Variants in PRSS23 observed in about 807,000 individuals in gnomAD.
PRSS23 encodes serine protease 23, also known as protease, serine 23.
A neutral mutation model predicts 34.7 loss-of-function variants in PRSS23; 25 were observed. The observed-to-expected ratio is 0.72, with a 90% CI of 0.53 to 1.01. The LOEUF is 1.01. Among genes scored for constraint, PRSS23 ranks in the 50% least tolerant of loss-of-function variants. The pLI is 0.00. For missense variants in PRSS23, 445 were observed against 475.6 expected, an observed-to-expected ratio of 0.94 and a Z score of 0.60; for synonymous variants, 176 against 186.6, an observed-to-expected ratio of 0.94 and a Z score of 0.46.
chr11:86,846,045 A>G (rs1026598161), intron 2 of PRSS23, among the ~76,000 whole-genome samples: 2 of 152,164 alleles, frequency 1.3e-5, no homozygotes, highest in Admixed American at 6.5e-5. Context: ...TTCCTGCCTT[A>G]AAGAGTTGAA....
chr11:86,886,941 T>TA (rs748439465), intron 2 of PRSS23, among the ~76,000 whole-genome samples: 1 of 151,994 alleles, frequency 6.6e-6, no homozygotes, highest in Non-Finnish European at 1.5e-5. Context: ...AGACTCCATC[T>TA]AAAAAAATAA....
chr11:86,908,721 T>G (rs1006498286), intron 2 of PRSS23, among the ~76,000 whole-genome samples: 1 of 152,156 alleles, frequency 6.6e-6, no homozygotes, highest in African/African-American at 2.4e-5. Flanking sequence ...CTGAAAAATA[T>G]CAGACGTGAA....
Position 86,808,137 on chromosome 11 carries a change from T to G in PRSS23, c.494T>G (p.Val165Gly). Reference protein sequence around the residue: ...KLSTGCTGTLVAEKHVLTAAH... With the variant: ...KLSTGCTGTLGAEKHVLTAAH... ...TCCACGGGCTGCACCGGCACCCTGGTGGCAGAGAAGCATGTCCTCACAGCT... is the reference window on the plus strand; with the variant it reads ...TCCACGGGCTGCACCGGCACCCTGGGGGCAGAGAAGCATGTCCTCACAGCT... The change falls in exon 2 of 2, where the codon GTG (valine) becomes GGG (glycine). Residue 165 changes from valine (V) to glycine (G), a missense_variant. Coordinates refer to ENST00000280258, the MANE Select transcript of PRSS23 (RefSeq NM_007173.6). The G allele has an allele frequency of 6.2e-7, 1 of 1,614,194 alleles. No individual in the cohort carries two copies. Among genetic ancestry groups the G allele is most frequent in the Non-Finnish European group, 8.5e-7 (1 of 1,180,038 alleles).
chr11:86,867,593 A>C (rs866971391), intron 2 of PRSS23, among the ~76,000 whole-genome samples: 1 of 152,352 alleles, frequency 6.6e-6, no homozygotes, highest in Middle Eastern at 3.4e-3. Context: ...TGAAAATAAA[A>C]GATAAGCCAG....
chr11:86,841,202 G>A (rs1228936150), intron 2 of PRSS23, among the ~76,000 whole-genome samples: 1 of 151,960 alleles, frequency 6.6e-6, no homozygotes, highest in Non-Finnish European at 1.5e-5. Flanking sequence ...AGCCTGGTGT[G>A]GTGGCACATG....
chr11:86,805,766 C>A (rs1464685525), intron 1 of PRSS23, among the ~76,000 whole-genome samples: 1 of 152,230 alleles, frequency 6.6e-6, no homozygotes, highest in Non-Finnish European at 1.5e-5. Context: ...CTCAGCTATA[C>A]TACATCAGAT....
At chr11:86,888,537 A>G (rs1386557894) in intron 2 of PRSS23, among the ~76,000 whole-genome samples, 3 of 152,160 alleles carry the variant, frequency 2.0e-5, no homozygotes, top group African/African-American at 4.8e-5. Context: ...CGCCAGAAAA[A>G]CATGTGTATG....
At chr11:86,840,447 G>C (rs1337960855) in intron 2 of PRSS23, among the ~76,000 whole-genome samples, 1 of 152,140 alleles carries the variant, frequency 6.6e-6, no homozygotes, top group African/African-American at 2.4e-5. Flanking sequence ...CCCAATACAG[G>C]AGCACCTAGA....
At chr11:86,858,762 G>A (rs1158549743) in intron 2 of PRSS23, among the ~76,000 whole-genome samples, 2 of 151,634 alleles carry the variant, frequency 1.3e-5, no homozygotes, top group African/African-American at 2.4e-5. Flanking sequence ...GAGTAAAATA[G>A]GATGATATGA....
chr11:86,853,441 G>C (rs12280372), intron 2 of PRSS23, among the ~76,000 whole-genome samples: 2 of 151,046 alleles, frequency 1.3e-5, no homozygotes, highest in African/African-American at 4.9e-5. Context: ...TTTTAGTAGA[G>C]ACAGGGTTTC....
chr11:86,929,258 G>A (rs1949106305), intron 2 of PRSS23, among the ~76,000 whole-genome samples: 1 of 151,296 alleles, frequency 6.6e-6, no homozygotes, highest in Non-Finnish European at 1.5e-5. Context: ...GGAAGCGGAG[G>A]TTGCGGTGAG....
rs1948376190 is a variant in PRSS23, at chr11:86,833,364, C to G, written c.206+9771C>G. The stretch of plus-strand genomic sequence containing the variant: ...CCAGCACCATGACTAGGTACATGAA[C>G]AGGAACAGCCCAGCGAGGGCCAGCT... On this transcript the variant is annotated intron_variant, in intron 2 of 2. Coordinates refer to the PRSS23 transcript ENST00000533902. 4 of 805,970 alleles carry G rather than the reference C, an allele frequency of 5.0e-6. No individual in the cohort carries two copies. In the Admixed American group the frequency reaches 7.1e-5, roughly 14 times the overall value. The allele number at this position is 805,970 out of a possible 1,614,324, so 49.9% of individuals were successfully genotyped here.
chr11:86,856,804 G>A (rs888628789), intron 2 of PRSS23, among the ~76,000 whole-genome samples: 1 of 152,066 alleles, frequency 6.6e-6, no homozygotes, highest in African/African-American at 2.4e-5. Context: ...TGGAGTACAG[G>A]GTTATTGCTG....
At chr11:86,918,518 T>TA (rs1949028262) in intron 2 of PRSS23, among the ~76,000 whole-genome samples, 1 of 152,244 alleles carries the variant, frequency 6.6e-6, no homozygotes, top group Non-Finnish European at 1.5e-5. Flanking sequence ...TCACCACCAT[T>TA]AAAATCCCCA....
chr11:86,875,315 G>T (rs1948715595), intron 2 of PRSS23, among the ~76,000 whole-genome samples: 1 of 152,140 alleles, frequency 6.6e-6, no homozygotes, highest in African/African-American at 2.4e-5. Context: ...AGGTTGCAGT[G>T]AGCCAAGATC....
At chr11:86,803,892 T>C (rs1037575401) in intron 1 of PRSS23, among the ~76,000 whole-genome samples, 1 of 152,136 alleles carries the variant, frequency 6.6e-6, no homozygotes, top group Non-Finnish European at 1.5e-5. Flanking sequence ...AGATGAGAAA[T>C]TAGCATGATT....
intron 2 of PRSS23, among the ~76,000 whole-genome samples, chr11:86,829,163 T>C (rs1272906831): frequency 6.6e-6 from 1 of 152,226 alleles, no homozygotes; most frequent in Non-Finnish European, 1.5e-5. Flanking sequence ...TTTCACATAG[T>C]CCCATATTTC....
intron 2 of PRSS23, chr11:86,945,773 C>A (rs1193113090): frequency 6.6e-6 from 1 of 152,606 alleles, no homozygotes; most frequent in Non-Finnish European, 1.5e-5. Flanking sequence ...GTACAGACAT[C>A]GATGCAGACA....
intron 2 of PRSS23, among the ~76,000 whole-genome samples, chr11:86,943,556 G>A (rs917792884): frequency 1.6e-4 from 24 of 152,054 alleles, no homozygotes; most frequent in South Asian, 2.1e-4. Context: ...CCAGGGAGGC[G>A]GAGGTTGCAG....
Sources: gnomAD v4.1 joint callset for allele counts (sites outside exome capture counted in the v4.1 genomes callset) on GRCh38, gnomAD v4.1.1 for gene constraint, MANE v1.5 for transcripts, NCBI Gene and HGNC (gene_info 2026-07-23, HGNC 2026-07-21) for gene names.